The following UBE2F variants were observed in gnomAD, a reference collection of about 807,000 sequenced individuals.
The protein encoded by UBE2F is NEDD8-conjugating enzyme UBE2F.
In UBE2F, 5 loss-of-function variants were observed where a neutral mutation model predicts 29.6. The observed-to-expected ratio is 0.17, with a 90% confidence interval of 0.09 to 0.36. The LOEUF (loss-of-function observed/expected upper bound fraction) is 0.36, where lower values mean the gene tolerates loss of function less well. UBE2F is among the 10% of genes least tolerant of loss of function. The probability of loss-of-function intolerance (pLI) is 1.00; values close to 1 mark genes in which losing one functional copy is unlikely to be tolerated. For synonymous variants in UBE2F, 66 were observed against 81.8 expected, an observed-to-expected ratio of 0.81 and a Z score of 1.04; for missense variants, 141 against 228.5, an observed-to-expected ratio of 0.62 and a Z score of 2.47.
chr2:238,035,958 T>A lies in UBE2F; in HGVS notation c.507+18T>A. On this transcript the variant is annotated intron_variant, in intron 9 of 9. Coordinates refer to ENST00000272930, the MANE Select transcript of UBE2F (RefSeq NM_080678.3). The stretch of plus-strand genomic sequence containing the variant: ...GGGACAAGGTGAGCCAGTAACAGGC[T>A]TATTCTAGGTTGATGTACTTGTCAC... 1 of 1,608,606 alleles carries A rather than the reference T, an allele frequency of 6.2e-7. No individual in the cohort carries two copies. The highest frequency in any genetic ancestry group is 8.5e-7 in the Non-Finnish European group (1 of 1,175,354).
chr2:237,991,533 G>A lies in UBE2F; in HGVS notation c.149-3211G>A, dbSNP rs555151733. ...TGTAGATAAAAAGCTTAATTCTGGT[G>A]CATTGAACTGGAACAAAAACCTGTT... On this transcript the variant is annotated intron_variant, in intron 3 of 9. Transcript: ENST00000272930. Among the ~76,000 whole-genome samples the A allele has an allele frequency of 7.4e-5, 11 of 149,114 alleles. No individual in the cohort carries two copies. The East Asian group carries it at 2.1e-3, about 29-fold the overall frequency.
intron 3 of UBE2F, among the ~76,000 whole-genome samples, chr2:237,988,544 A>T (rs532048973): frequency 6.6e-6 from 1 of 150,696 alleles, no homozygotes; most frequent in Admixed American, 6.6e-5. Context: ...TGAACCCAAG[A>T]GGCGGAGGTT....
intron 9 of UBE2F, among the ~76,000 whole-genome samples, 154 bp from the exon 10 acceptor site, chr2:238,041,134 C>T (rs2064830021): frequency 6.6e-6 from 1 of 152,174 alleles, no homozygotes; most frequent in Non-Finnish European, 1.5e-5. Flanking sequence ...GGCGAAATGG[C>T]ACTCAGACTC....
Position 238,040,445 on chromosome 2 carries a change from G to A in UBE2F, c.508-843G>A, listed in dbSNP as rs1400694486. ...ATGCCCACTAAGAACTATGGTAACT[G>A]TGCTGTGTTCCCTGGGCAGTGGGGG... On this transcript the variant is annotated intron_variant, in intron 9 of 9. Transcript: ENST00000272930. This position sits in a 1 kb window ranked among gnomAD's most constrained non-coding sequence, Gnocchi z 4.4. Among the ~76,000 whole-genome samples, 1 of 152,212 alleles carries A rather than the reference G, an allele frequency of 6.6e-6. No individual in the cohort carries two copies. The highest frequency in any genetic ancestry group is 1.5e-5 in the Non-Finnish European group (1 of 68,030).
At chr2:238,009,741 C>A (rs1011959831) in intron 4 of UBE2F, among the ~76,000 whole-genome samples, 8 of 152,358 alleles carry the variant, frequency 5.3e-5, no homozygotes, top group Admixed American at 3.3e-4. Context: ...TCTCCACCAT[C>A]TGTCTCTGTC....
At chr2:237,983,586 G>A (rs1395688640) in intron 2 of UBE2F, among the ~76,000 whole-genome samples, 5 of 152,090 alleles carry the variant, frequency 3.3e-5, no homozygotes, top group African/African-American at 1.2e-4. Flanking sequence ...TCCTCCACTC[G>A]GTGGTCAGCT....
chr2:238,030,638 T>A (rs1194279994), intron 7 of UBE2F, 25 bp downstream of exon 7: 1 of 1,595,906 alleles, frequency 6.3e-7, no homozygotes, highest in East Asian at 2.2e-5. Flanking sequence ...TTGATCTTGA[T>A]CATAAGTTGT....
intron 5 of UBE2F, among the ~76,000 whole-genome samples, chr2:238,016,855 C>T (rs1336452923): frequency 6.6e-6 from 1 of 152,140 alleles, no homozygotes; most frequent in East Asian, 1.9e-4. Flanking sequence ...GTACTATGTG[C>T]CAGGCAGCCT....
At chr2:238,010,138 C>T (rs1178809039) in intron 4 of UBE2F, among the ~76,000 whole-genome samples, 1 of 151,964 alleles carries the variant, frequency 6.6e-6, no homozygotes, top group Non-Finnish European at 1.5e-5. Flanking sequence ...TCTTCTGTAA[C>T]TAGATATACA....
chr2:238,001,438 G>GA (rs2063791580), intron 4 of UBE2F, among the ~76,000 whole-genome samples: 1 of 152,026 alleles, frequency 6.6e-6, no homozygotes, highest in Admixed American at 6.6e-5. Context: ...ATTACATATA[G>GA]AAAAAATTCT....
chr2:238,029,467 G>A (rs1231892500), intron 6 of UBE2F, among the ~76,000 whole-genome samples: 1 of 152,040 alleles, frequency 6.6e-6, no homozygotes, highest in Non-Finnish European at 1.5e-5. Context: ...GGTGGTGCAT[G>A]CCTTGTAGTC....
chr2:238,002,769 G>A (rs537652032), intron 4 of UBE2F, among the ~76,000 whole-genome samples: 1 of 151,690 alleles, frequency 6.6e-6, no homozygotes, highest in East Asian at 2.0e-4. Context: ...GCACCACCAC[G>A]CCTGGCTAAT....
At position 238,041,412 on chromosome 2, in the gene UBE2F, C is replaced by A; in HGVS notation, c.*74C>A. ...AACATGAAACAGCAAGAGGTAGCCC[C>A]CTCTCCCGTCCTCATGCTCCCTCTC... is the stretch of plus-strand genomic sequence containing the variant. On this transcript the variant is annotated 3_prime_UTR_variant, in exon 10 of 10. Coordinates refer to ENST00000272930, the MANE Select transcript of UBE2F (RefSeq NM_080678.3). 1 of 1,494,948 alleles carries A rather than the reference C, an allele frequency of 6.7e-7. No homozygotes were observed. Among genetic ancestry groups the A allele is most frequent in the South Asian group, 1.1e-5 (1 of 87,412 alleles). The allele number at this position is 1,494,948 out of a possible 1,614,324, so 92.6% of individuals were successfully genotyped here. A position where few individuals can be genotyped will look rare whatever the true frequency, so the allele number is the denominator to read the frequency against.
At chr2:237,973,840 A>G (rs772618049) in intron 2 of UBE2F, 16 of 495,912 alleles carry the variant, frequency 3.2e-5, no homozygotes, top group Non-Finnish European at 3.8e-5. Flanking sequence ...GTTTGAGCAT[A>G]AATTTTGCAT....
intron 4 of UBE2F, among the ~76,000 whole-genome samples, chr2:237,996,221 T>C (rs75041454): frequency 0.014 from 2,081 of 152,282 alleles, 39 homozygotes; most frequent in African/African-American, 0.048. Flanking sequence ...TCAGAAATCA[T>C]TGTAGTGATT....
At chr2:238,037,478 CGAGGTAG>C (rs2064739598) in intron 9 of UBE2F, among the ~76,000 whole-genome samples, 2 of 152,276 alleles carry the variant, frequency 1.3e-5, no homozygotes, top group African/African-American at 4.8e-5. Flanking sequence ...TGGCTGGCGT[CGAGGTAG>C]CTCAGCTTAG....
chr2:238,042,287 A>G lies in UBE2F; in HGVS notation c.*949A>G, dbSNP rs2106423447. 6.6e-6 allele frequency: 1 copy of G among 152,358 alleles called. No individual in the cohort carries two copies. The highest frequency in any genetic ancestry group is 2.4e-5 in the African/African-American group (1 of 41,572). The allele number at this position is 152,358 out of a possible 1,614,324, so 9.4% of individuals were successfully genotyped here. A position where few individuals can be genotyped will look rare whatever the true frequency, so the allele number is the denominator to read the frequency against. The stretch of plus-strand genomic sequence containing the variant: ...GTCATGTGATTGTGACCTGGTAGCT[A>G]CTTATCAGAGAGCCAGACCCTGCTG... On this transcript the variant is annotated 3_prime_UTR_variant, in exon 10 of 10. Coordinates refer to ENST00000272930, the MANE Select transcript of UBE2F (RefSeq NM_080678.3).
chr2:238,032,743 G>A (rs58360603), intron 8 of UBE2F: 1,815 of 153,850 alleles, frequency 0.012, 46 homozygotes, highest in African/African-American at 0.042. Flanking sequence ...ACCAGCCTGG[G>A]CAACATAGCA....
intron 2 of UBE2F, among the ~76,000 whole-genome samples, chr2:237,983,175 G>T (rs748917132): frequency 6.6e-6 from 1 of 152,164 alleles, no homozygotes; most frequent in Non-Finnish European, 1.5e-5. Flanking sequence ...ACATAAGACT[G>T]CCAGGAAGAT....
Sources: allele counts gnomAD v4.1 joint callset (sites outside exome capture counted in the v4.1 genomes callset), GRCh38; gene constraint gnomAD v4.1.1; non-coding constraint Gnocchi (gnomAD v3.1); transcripts MANE v1.5; gene names NCBI Gene and HGNC (gene_info 2026-07-23, HGNC 2026-07-21).